The following TRIM37 variants were observed in gnomAD, a reference collection of about 807,000 sequenced individuals.
The protein encoded by TRIM37 is E3 ubiquitin-protein ligase TRIM37.
A neutral mutation model predicts 129.8 loss-of-function variants in TRIM37; 80 were observed. The observed-to-expected ratio is 0.62, with a 90% CI of 0.51 to 0.74. The LOEUF is 0.74. Ranked by LOEUF, TRIM37 falls within the 30% of genes least tolerant of loss-of-function variation. The probability of loss-of-function intolerance (pLI) is 0.00; values close to 1 mark genes in which losing one functional copy is unlikely to be tolerated. For missense variants in TRIM37, 1,054 were observed against 1,176.5 expected, an observed-to-expected ratio of 0.90 and a Z score of 1.52; for synonymous variants, 389 against 387.1, an observed-to-expected ratio of 1.00 and a Z score of -0.06.
rs1376737679 is a variant in TRIM37 at position 59,001,683 on chromosome 17, G to A, written c.2727C>T (p.Asp909=). Residue 909 remains aspartate, a synonymous_variant, in exon 23 of 24, where the codon GAC becomes GAT. Coordinates refer to ENST00000262294, the MANE Select transcript of TRIM37 (RefSeq NM_015294.6). ...GMSSDSDIEC[D]TENEEQEEHT... is the part of the protein sequence containing the mutation. ...GCTCTTCCTGCTCCTCATTCTCAGTGTCACATTCAATGTCACTGTCGCTAC... is the reference window on the plus strand; with the variant it reads ...GCTCTTCCTGCTCCTCATTCTCAGTATCACATTCAATGTCACTGTCGCTAC... 8 of 1,613,902 alleles carry A rather than the reference G, an allele frequency of 5.0e-6. No homozygotes were observed. Among genetic ancestry groups the A allele is most frequent in the Non-Finnish European group, 6.8e-6 (8 of 1,179,970 alleles).
chr17:58,978,945 C>A (rs972743089), downstream of TRIM37, among the ~76,000 whole-genome samples: 7 of 152,118 alleles, frequency 4.6e-5, no homozygotes, highest in Non-Finnish European at 8.8e-5. Flanking sequence ...CTCGCTCCTA[C>A]CCCAAGCACC....
intron 12 of TRIM37, among the ~76,000 whole-genome samples, chr17:59,057,884 C>T (rs2041112546): frequency 1.3e-5 from 2 of 151,940 alleles, no homozygotes; most frequent in South Asian, 2.1e-4. Flanking sequence ...CTTTTTTCCT[C>T]GTAAAGATGT....
intron 19 of TRIM37, among the ~76,000 whole-genome samples, chr17:59,018,341 G>T (rs937071266): frequency 6.6e-6 from 1 of 151,744 alleles, no homozygotes; most frequent in Admixed American, 6.6e-5. Context: ...TTTAAAAAAA[G>T]AATAAAAATA....
At chr17:58,981,709 G>T (rs1300769446), downstream of TRIM37, 1 of 152,190 alleles carries the variant, frequency 6.6e-6, no homozygotes, top group African/African-American at 2.4e-5. Context: ...ATATTTCCTA[G>T]GGCTGTAGTT....
chr17:59,065,942 C>T (rs1263426678), intron 9 of TRIM37, among the ~76,000 whole-genome samples: 1 of 152,196 alleles, frequency 6.6e-6, no homozygotes, highest in Non-Finnish European at 1.5e-5. Context: ...AACTGTATAG[C>T]TACTATCCAA....
intron 24 of TRIM37, among the ~76,000 whole-genome samples, chr17:58,987,966 A>G (rs2031973288): frequency 6.6e-6 from 1 of 152,270 alleles, no homozygotes; most frequent in African/African-American, 2.4e-5. Context: ...CTTACAATGC[A>G]AACGAGCCAG....
At chr17:59,002,585 A>G (rs1008633335) in intron 22 of TRIM37, among the ~76,000 whole-genome samples, 2 of 152,196 alleles carry the variant, frequency 1.3e-5, no homozygotes, top group Non-Finnish European at 2.9e-5. Context: ...TATTTGTTTC[A>G]GCAAGATAGC....
rs570575176 is a variant in TRIM37 at position 59,015,853 on chromosome 17, C to T, written c.2387-54G>A. On this transcript the variant is annotated intron_variant, in intron 20 of 23. Transcript: ENST00000262294. ...AATTAGCTGGGCATGGTGGTGTGCG[C>T]CTGTAATCCCAGCTACTTGGGAGGT... 7 of 1,564,774 alleles carry T rather than the reference C, an allele frequency of 4.5e-6. No homozygotes were observed. The Admixed American group carries it at 8.6e-5, about 19-fold the overall frequency.
chr17:58,999,342 A>T lies in TRIM37; in HGVS notation c.*35T>A. 1 of 1,613,728 alleles carries T rather than the reference A, an allele frequency of 6.2e-7. No homozygotes were observed. The highest frequency in any genetic ancestry group is 8.5e-7 in the Non-Finnish European group (1 of 1,179,768). On this transcript the variant is annotated 3_prime_UTR_variant, in exon 24 of 24. Coordinates refer to ENST00000262294, the MANE Select transcript of TRIM37 (RefSeq NM_015294.6). Reference sequence around the variant, plus strand: ...CCAACTACAGCAAAATTCAGGGTCAAGGTAGCTTGCAAGTCAGTTCTCTTG... The same window carrying T: ...CCAACTACAGCAAAATTCAGGGTCATGGTAGCTTGCAAGTCAGTTCTCTTG...
intron 19 of TRIM37, among the ~76,000 whole-genome samples, chr17:59,026,631 C>T (rs898140686): frequency 6.6e-6 from 1 of 152,098 alleles, no homozygotes. Context: ...GGAGAGGACA[C>T]AAAAAAGGAC....
rs535922439 is a variant in TRIM37, at chr17:59,080,273, A to AT, written c.493-397dup. On this transcript the variant is annotated intron_variant, in intron 6 of 23. Coordinates refer to ENST00000262294, the MANE Select transcript of TRIM37 (RefSeq NM_015294.6). The stretch of plus-strand genomic sequence containing the variant: ...TATTTCATTCTTGGGGGCTTATCAC[A>AT]TTTTTTCACAGAAATAACATTATAA... Among the ~76,000 whole-genome samples the AT allele has an allele frequency of 7.2e-5, 11 of 152,292 alleles. No homozygotes were observed. The South Asian group carries it at 2.1e-3, about 29-fold the overall frequency.
Position 59,047,663 on chromosome 17 carries a change from T to C in TRIM37, c.1667+20A>G, listed in dbSNP as rs776491605. ...TAATTACCACTTAAATGCTTTACAG[T>C]AGTAAAGTGGGAAACTCACATAGTT... On this transcript the variant is annotated intron_variant, in intron 16 of 23. Coordinates refer to ENST00000262294, the MANE Select transcript of TRIM37 (RefSeq NM_015294.6). The C allele has an allele frequency of 2.5e-6, 4 of 1,606,734 alleles. No individual in the cohort carries two copies. In the African/African-American group the frequency reaches 4.0e-5, roughly 16 times the overall value.
At chr17:59,058,023 CATAA>C (rs1485009655) in intron 12 of TRIM37, among the ~76,000 whole-genome samples, 7 of 152,166 alleles carry the variant, frequency 4.6e-5, no homozygotes, top group Admixed American at 3.3e-4. Flanking sequence ...TATGTTTCCT[CATAA>C]ATATTGTTAT....
intron 2 of TRIM37, among the ~76,000 whole-genome samples, chr17:59,091,741 G>A (rs1441816532): frequency 2.0e-5 from 3 of 146,464 alleles, no homozygotes; most frequent in Non-Finnish European, 4.5e-5. Context: ...GCAATCTACT[G>A]TTTCCCTCAC....
chr17:59,056,886 T>G lies in TRIM37; in HGVS notation c.1188A>C (p.Thr396=). The change falls in exon 13 of 24, where the codon ACA becomes ACC. Residue 396 remains threonine (T), a synonymous_variant. Transcript: ENST00000262294. ...ATTTTTCCTGTTACCTTAAAATCAC[T>G]GTATCATTTTGTGGATTCAAGTATC... ...NEGYLNPQND[T]VILRFQVRSP... 6.2e-7 allele frequency: 1 copy of G among 1,613,764 alleles called. No homozygotes were observed. The highest frequency in any genetic ancestry group is 8.5e-7 in the Non-Finnish European group (1 of 1,179,860).
chr17:59,061,665 TAA>T (rs1389467947), intron 11 of TRIM37, among the ~76,000 whole-genome samples: 3 of 151,996 alleles, frequency 2.0e-5, no homozygotes, highest in African/African-American at 7.2e-5. Flanking sequence ...AAGACTCTTT[TAA>T]AAAAAGAGAA....
chr17:59,012,210 T>TACC (rs1567967643), intron 22 of TRIM37, 118 bp downstream of exon 22: 127 of 390,962 alleles, frequency 3.2e-4, no homozygotes, highest in East Asian at 3.0e-3. Context: ...TCCCTATCAC[T>TACC]ACCACCAGCA....
chr17:59,103,926 T>G (rs1187053758), intron 2 of TRIM37, among the ~76,000 whole-genome samples: 2 of 152,174 alleles, frequency 1.3e-5, no homozygotes, highest in Non-Finnish European at 2.9e-5. Context: ...CACTCAAGTT[T>G]TAAAGCCACT....
intron 1 of TRIM37, among the ~76,000 whole-genome samples, chr17:59,106,071 G>T (rs1053384332): frequency 6.6e-6 from 1 of 152,218 alleles, no homozygotes. Flanking sequence ...CCATTTGGAA[G>T]GAGATTTAGA....
Sources: gnomAD v4.1 joint callset for allele counts (sites outside exome capture counted in the v4.1 genomes callset) on GRCh38, gnomAD v4.1.1 for gene constraint, MANE v1.5 for transcripts, NCBI Gene and HGNC (gene_info 2026-07-23, HGNC 2026-07-21) for gene names.